The following BOD1L1 variants were observed in gnomAD, a reference collection of about 807,000 sequenced individuals.
BOD1L1 encodes biorientation of chromosomes in cell division protein 1-like 1.
In BOD1L1, 86 loss-of-function variants were observed where a neutral mutation model predicts 240.7. The ratio of observed to expected loss-of-function variants is 0.36; its 90% CI spans 0.30 to 0.43. BOD1L1 has a LOEUF of 0.43. Among genes scored for constraint, BOD1L1 ranks in the 20% least tolerant of loss-of-function variants. BOD1L1 has a pLI of 1.00. For missense variants in BOD1L1, 3,554 were observed against 3,643.5 expected (o/e 0.98, Z 0.63); for synonymous variants, 1,268 against 1,272.3 (o/e 1.00, Z 0.07).
At chr4:13,577,168 C>G (rs1028904910) in intron 24 of BOD1L1, among the ~76,000 whole-genome samples, 177 bp from the exon 25 acceptor site, 1 of 152,178 alleles carries the variant, frequency 6.6e-6, no homozygotes, top group Non-Finnish European at 1.5e-5. Context: ...ATCTCAAACA[C>G]ATTTTGGATA....
intron 19 of BOD1L1, among the ~76,000 whole-genome samples, chr4:13,581,930 G>A (rs1447317677): frequency 6.6e-6 from 1 of 152,152 alleles, no homozygotes; most frequent in Non-Finnish European, 1.5e-5. Context: ...TGCCTGGCCT[G>A]GCAGCTCAGC....
At chr4:13,597,771 G>C (rs763500427) in intron 10 of BOD1L1, among the ~76,000 whole-genome samples, 1 of 152,156 alleles carries the variant, frequency 6.6e-6, no homozygotes, top group Non-Finnish European at 1.5e-5. Flanking sequence ...CAATGATTGA[G>C]TCATAAAAAC....
At position 13,603,206 on chromosome 4, in the gene BOD1L1, T is replaced by C. The variant is rs1577354057; in HGVS notation, c.3694A>G (p.Asn1232Asp). The change falls in exon 10 of 26, where the codon AAT (asparagine) becomes GAT (aspartate). Residue 1232 changes from asparagine to aspartate, a missense_variant. Around this residue, in one of 2 missense-constraint regions of BOD1L1, gnomAD observed 3,393 missense variants for 3,427.1 expected, o/e 0.99. Coordinates refer to ENST00000040738, the MANE Select transcript of BOD1L1 (RefSeq NM_148894.3). ...EPIHRGTTEVNIDSETVHRML... is the reference protein window; with the variant it reads ...EPIHRGTTEVDIDSETVHRML... ...CTATGAACAGTTTCAGAATCTATAT[T>C]CACTTCAGTAGTTCCTCTATGAATG... The C allele has an allele frequency of 1.4e-5, 22 of 1,613,910 alleles. No homozygotes were observed. The East Asian group carries it at 4.2e-4, about 31-fold the overall frequency.
At chr4:13,595,157 T>C (rs1047795062) in intron 12 of BOD1L1, among the ~76,000 whole-genome samples, 7 of 152,222 alleles carry the variant, frequency 4.6e-5, no homozygotes, top group African/African-American at 7.2e-5. Flanking sequence ...TGTTAACTTA[T>C]AGTGAGTTAA....
rs1338133222 is a variant in BOD1L1 at position 13,604,478 on chromosome 4, G to A, written c.2422C>T (p.Pro808Ser). ...KLSVLGKDGKPVSEYIIKTDE... is the reference protein window; with the variant it reads ...KLSVLGKDGKSVSEYIIKTDE... ...GTTTTTATAATATATTCAGAAACTG[G>A]CTTTCCATCTTTGCCTAATACTGAT... Residue 808 changes from proline to serine, a missense_variant, in exon 10 of 26, where the codon CCA becomes TCA. Coordinates refer to ENST00000040738, the MANE Select transcript of BOD1L1 (RefSeq NM_148894.3). 9 of 1,532,692 alleles carry A rather than the reference G, an allele frequency of 5.9e-6. No homozygotes were observed. Among genetic ancestry groups the A allele is most frequent in the Non-Finnish European group, 7.8e-6 (9 of 1,149,124 alleles). The allele number at this position is 1,532,692 out of a possible 1,614,324, so 94.9% of individuals were successfully genotyped here.
chr4:13,572,581 G>C (rs1334468944), intron 25 of BOD1L1: 6 of 999,152 alleles, frequency 6.0e-6, no homozygotes, highest in Non-Finnish European at 7.9e-6. Context: ...GGAAACCAAT[G>C]ATCCCCAAAA....
At chr4:13,582,379 G>A (rs1713303909) in intron 18 of BOD1L1, 69 bp from the exon 19 acceptor site, 11 of 1,189,026 alleles carry the variant, frequency 9.3e-6, no homozygotes, top group South Asian at 3.8e-5. Context: ...TTACCCAGGT[G>A]ACCTACACAG....
chr4:13,579,399 G>C (rs1289909812), intron 22 of BOD1L1, among the ~76,000 whole-genome samples: 2 of 152,130 alleles, frequency 1.3e-5, no homozygotes, highest in Non-Finnish European at 2.9e-5. Flanking sequence ...GTTAAATGTG[G>C]AAACAACTAT....
chr4:13,599,129 T>C lies in BOD1L1; in HGVS notation c.7771A>G (p.Ser2591Gly), dbSNP rs535370509. The C allele has an allele frequency of 1.3e-5, 21 of 1,613,834 alleles. No individual in the cohort carries two copies. In the South Asian group the frequency reaches 2.3e-4, roughly 18 times the overall value. The change falls in exon 10 of 26, where the codon AGT becomes GGT. Residue 2591 changes from serine (S) to glycine (G), a missense_variant. Around this residue, in one of 2 missense-constraint regions of BOD1L1, gnomAD observed 3,393 missense variants for 3,427.1 expected, o/e 0.99. Coordinates refer to ENST00000040738, the MANE Select transcript of BOD1L1 (RefSeq NM_148894.3). The part of the protein sequence containing the change: ...SHTMIPPATY[S>G]VALLAPKCEQ... The stretch of plus-strand genomic sequence containing the variant: ...CATTTAGGAGCCAACAGAGCTACAC[T>C]GTAAGTAGCTGGAGGGATCATTGTG...
chr4:13,591,077 A>T (rs575607322), intron 13 of BOD1L1, among the ~76,000 whole-genome samples: 42 of 150,812 alleles, frequency 2.8e-4, no homozygotes, highest in South Asian at 6.3e-4. Flanking sequence ...TAAAAAAAAA[A>T]TTTTTTTTTT....
intron 1 of BOD1L1, among the ~76,000 whole-genome samples, chr4:13,626,879 TTG>T (rs1717433798): frequency 2.0e-5 from 3 of 152,292 alleles, no homozygotes; most frequent in Admixed American, 2.0e-4. Context: ...CTCCTTATCT[TTG>T]CGCTCCCACC....
Position 13,622,760 on chromosome 4 carries a change from C to G in BOD1L1, c.244-2693G>C, listed in dbSNP as rs190266804. Among the ~76,000 whole-genome samples, 130 of 152,252 alleles carry G rather than the reference C, an allele frequency of 8.5e-4. 1 individual carries two copies. Among genetic ancestry groups the G allele is most frequent in the Non-Finnish European group, 1.0e-3 (71 of 68,014 alleles). ...TCAGGTAACCATGTAATTTATTGACCCATTCAAATCACAACTTAGCAAGAA... is the reference window on the plus strand; with the variant it reads ...TCAGGTAACCATGTAATTTATTGACGCATTCAAATCACAACTTAGCAAGAA... On this transcript the variant is annotated intron_variant, in intron 1 of 25. Transcript: ENST00000040738.
intron 25 of BOD1L1, among the ~76,000 whole-genome samples, chr4:13,574,373 C>A (rs1031952626): frequency 2.0e-5 from 3 of 151,724 alleles, no homozygotes; most frequent in Non-Finnish European, 2.9e-5. Flanking sequence ...TCAACCAATG[C>A]CAAGGAATCT....
chr4:13,626,976 G>T (rs573323541), intron 1 of BOD1L1, among the ~76,000 whole-genome samples: 1 of 152,056 alleles, frequency 6.6e-6, no homozygotes, highest in African/African-American at 2.4e-5. Flanking sequence ...GGCCCTTACC[G>T]CCCAGAAACC....
chr4:13,622,499 T>C (rs1220739062), intron 1 of BOD1L1, among the ~76,000 whole-genome samples: 1 of 152,212 alleles, frequency 6.6e-6, no homozygotes, highest in Non-Finnish European at 1.5e-5. Flanking sequence ...CCTTTTCCAG[T>C]GCTTTGGTGA....
intron 10 of BOD1L1, among the ~76,000 whole-genome samples, chr4:13,598,684 C>G (rs994744799): frequency 6.6e-6 from 1 of 152,164 alleles, no homozygotes; most frequent in Non-Finnish European, 1.5e-5. Flanking sequence ...ACTTCCCATG[C>G]CTCAGCCTCC....
Position 13,601,712 on chromosome 4 carries a change from T to C in BOD1L1, c.5188A>G (p.Thr1730Ala), listed in dbSNP as rs1390629116. The C allele has an allele frequency of 6.2e-7, 1 of 1,614,026 alleles. No homozygotes were observed. Among genetic ancestry groups the C allele is most frequent in the Non-Finnish European group, 8.5e-7 (1 of 1,179,898 alleles). ...KKETEGTVTC[T>A]GAEGRSDNFV... ...TTATCACTTCTGCCTTCTGCTCCTG[T>C]ACATGTCACAGTGCCCTCTGTTTCT... is the stretch of plus-strand genomic sequence containing the variant. Residue 1730 changes from threonine to alanine, a missense_variant, in exon 10 of 26, where the codon ACA becomes GCA. Physicochemically the swap from Thr to Ala is moderately conservative, Grantham distance 58 (BLOSUM62 0). Around this residue, in one of 2 missense-constraint regions of BOD1L1, gnomAD observed 3,393 missense variants for 3,427.1 expected, o/e 0.99. Transcript: ENST00000040738.
At position 13,577,455 on chromosome 4, in the gene BOD1L1, C is replaced by T; in HGVS notation, c.8832G>A (p.Val2944=). ...DDGEEKIVTS[V]RRRGRKPKRS... Reference sequence around the variant, plus strand: ...GTTTGGGTTTTCTTCCTCTCCGACGCACACTTGTTACTATTTTTTCTTCAC... The same window carrying T: ...GTTTGGGTTTTCTTCCTCTCCGACGTACACTTGTTACTATTTTTTCTTCAC... Residue 2944 remains valine (V), a synonymous_variant, in exon 24 of 26, where the codon GTG becomes GTA. Transcript: ENST00000040738. 6.2e-7 allele frequency: 1 copy of T among 1,613,734 alleles called. No individual in the cohort carries two copies. The highest frequency in any genetic ancestry group is 8.5e-7 in the Non-Finnish European group (1 of 1,179,802).
intron 1 of BOD1L1, among the ~76,000 whole-genome samples, chr4:13,622,018 C>G (rs917232475): frequency 6.6e-6 from 1 of 151,930 alleles, no homozygotes; most frequent in Non-Finnish European, 1.5e-5. Context: ...GCATGCGCCA[C>G]CACACCTGGC....
Sources: allele counts gnomAD v4.1 joint callset (sites outside exome capture counted in the v4.1 genomes callset), GRCh38; gene constraint gnomAD v4.1.1; regional missense constraint gnomAD v4.1.1; transcripts MANE v1.5; gene names NCBI Gene and HGNC (gene_info 2026-07-23, HGNC 2026-07-21).